TNFAIP2: variants seen among roughly 807,000 people sequenced by gnomAD.
The protein encoded by TNFAIP2 is tumor necrosis factor alpha-induced protein 2.
A neutral mutation model predicts 63.5 loss-of-function variants in TNFAIP2; 47 were observed. The observed-to-expected ratio is 0.74, with a 90% CI of 0.59 to 0.94. The LOEUF is 0.94. Ranked by LOEUF, TNFAIP2 falls within the 40% of genes least tolerant of loss-of-function variation. The probability of loss-of-function intolerance (pLI) is 0.00; values close to 1 mark genes in which losing one functional copy is unlikely to be tolerated. For synonymous variants in TNFAIP2, 405 were observed against 390.2 expected, an observed-to-expected ratio of 1.04 and a Z score of -0.45; for missense variants, 787 against 850.2, an observed-to-expected ratio of 0.93 and a Z score of 0.92.
intron 1 of TNFAIP2, among the ~76,000 whole-genome samples, 179 bp downstream of exon 1, chr14:103,124,130 G>A (rs918353736): frequency 5.3e-5 from 8 of 152,164 alleles, no homozygotes; most frequent in South Asian, 2.1e-4. Context: ...GCACCGGCTC[G>A]CTGCTGCCTG....
rs201062450 is a variant in TNFAIP2, at chr14:103,129,521, G to A, written c.861-219G>A. ...GGACCTAATGGGGGGGGGGTGGTGA[G>A]AGAGTCAGAGGAGGCATGATGACTT... is the stretch of plus-strand genomic sequence containing the variant. On this transcript the variant is annotated intron_variant, in intron 3 of 11. Transcript: ENST00000560869. Among the ~76,000 whole-genome samples the A allele has an allele frequency of 3.8e-4, 58 of 151,972 alleles. No homozygotes were observed. In the East Asian group the frequency reaches 5.7e-3, roughly 15 times the overall value.
rs984649471 is a variant in TNFAIP2 at position 103,136,554 on chromosome 14, T to A, written c.*1194T>A. ...TTTTTTTTTTGAGACAGGGTCTTGC[T>A]GTGTTGCCCAGGCTGGAGTGCAGTG... On this transcript the variant is annotated 3_prime_UTR_variant, in exon 12 of 12. Transcript: ENST00000560869. 2 of 150,400 alleles carry A rather than the reference T, an allele frequency of 1.3e-5. No homozygotes were observed. The highest frequency in any genetic ancestry group is 6.6e-5 in the Admixed American group (1 of 15,076). 9.3% of individuals were successfully genotyped at this position (150,400 alleles called of 1,614,324 possible). A position where few individuals can be genotyped will look rare whatever the true frequency, so the allele number is the denominator to read the frequency against.
rs2088031839 is a variant in TNFAIP2, at chr14:103,133,460, G to A, written c.1644G>A (p.Gln548=). Residue 548 remains glutamine, a synonymous_variant, in exon 10 of 12, where the codon CAG becomes CAA. Coordinates refer to ENST00000560869, the MANE Select transcript of TNFAIP2 (RefSeq NM_006291.4). ...LVLKTAEQQQ[Q]LAGYILANAD... ...TCAAGACGGCCGAGCAGCAGCAGCA[G>A]CTGGCTGGGTACATCCTGGCCAATG... The A allele has an allele frequency of 6.2e-7, 1 of 1,613,848 alleles. No individual in the cohort carries two copies. The highest frequency in any genetic ancestry group is 8.5e-7 in the Non-Finnish European group (1 of 1,180,034).
chr14:103,131,828 G>GC lies in TNFAIP2; in HGVS notation c.1422+71dup. ...GGTTCCCAGGGAGGGACTGGGAGGT[G>GC]CCCCCAGGGAGGAGTGGCAGAAGCA... On this transcript the variant is annotated intron_variant, in intron 8 of 11. Coordinates refer to ENST00000560869, the MANE Select transcript of TNFAIP2 (RefSeq NM_006291.4). The surrounding 1 kb of genome is among the most constrained non-coding windows in gnomAD (Gnocchi z 4.0). The GC allele has an allele frequency of 6.4e-7, 1 of 1,563,810 alleles. No homozygotes were observed. The highest frequency in any genetic ancestry group is 8.7e-7 in the Non-Finnish European group (1 of 1,153,796).
chr14:103,130,997 G>A, intron 6 of TNFAIP2, 55 bp from the exon 7 acceptor site: 1 of 1,579,470 alleles, frequency 6.3e-7, no homozygotes, highest in Non-Finnish European at 8.7e-7. Context: ...GGAGGCTGCT[G>A]CTGTGGTCCC....
chr14:103,130,611 G>C (rs1180234188), intron 6 of TNFAIP2, among the ~76,000 whole-genome samples, 196 bp downstream of exon 6: 3 of 152,156 alleles, frequency 2.0e-5, no homozygotes, highest in Non-Finnish European at 4.4e-5. Flanking sequence ...AGGATTCAAC[G>C]TGGGAGCCTC....
intron 8 of TNFAIP2, among the ~76,000 whole-genome samples, chr14:103,132,346 G>T (rs1323209407): frequency 1.3e-5 from 2 of 152,180 alleles, no homozygotes; most frequent in Non-Finnish European, 1.5e-5. Context: ...CGGTGTCAGG[G>T]ACTAGCGGCC....
In TNFAIP2 at chr14:103,131,289, C is replaced by A. The variant is rs901360564; in HGVS notation, c.1298+139C>A. On this transcript the variant is annotated intron_variant, in intron 7 of 11. Transcript: ENST00000560869. The surrounding 1 kb of genome is among the most constrained non-coding windows in gnomAD (Gnocchi z 4.0). Reference sequence around the variant, plus strand: ...AGCAACATGTGTGAGGACTCCACGGCCTGCAGCAGCAGCAGCAAACATTTC... The same window carrying A: ...AGCAACATGTGTGAGGACTCCACGGACTGCAGCAGCAGCAGCAAACATTTC... The A allele has an allele frequency of 3.4e-6, 3 of 893,438 alleles. No homozygotes were observed. The highest frequency in any genetic ancestry group is 5.2e-6 in the Non-Finnish European group (3 of 574,032). 55.3% of individuals were successfully genotyped at this position (893,438 alleles called of 1,614,324 possible).
At chr14:103,126,125 G>C (rs543459496) in intron 1 of TNFAIP2, among the ~76,000 whole-genome samples, 185 bp from the exon 2 acceptor site, 23 of 152,346 alleles carry the variant, frequency 1.5e-4, no homozygotes, top group African/African-American at 5.3e-4. Context: ...ATGGTGAGAT[G>C]CTCGTGGCCA....
rs766358522 is a variant in TNFAIP2 at position 103,126,995 on chromosome 14, C to T, written c.236-10C>T. On this transcript the variant is annotated splice_polypyrimidine_tract_variant and intron_variant, in intron 2 of 11. Coordinates refer to ENST00000560869, the MANE Select transcript of TNFAIP2 (RefSeq NM_006291.4). The stretch of plus-strand genomic sequence containing the variant: ...CTGGGGCCGGGGCTGACGCGGCTTT[C>T]CCGGCGCAGTGGAGGAGCTGAAGGC... The T allele has an allele frequency of 2.8e-4, 337 of 1,216,682 alleles. No homozygotes were observed. In the Middle Eastern group the frequency reaches 5.7e-3, roughly 21 times the overall value. 75.4% of individuals were successfully genotyped at this position (1,216,682 alleles called of 1,614,324 possible). A position where few individuals can be genotyped will look rare whatever the true frequency, so the allele number is the denominator to read the frequency against.
In TNFAIP2 at chr14:103,127,636, A is replaced by G. The variant is rs1350040813; in HGVS notation, c.860+7A>G. ...TGCAGAACCTCTACCCCAAGTGAGCAGACCAGGGGCTGGGCCCGGGCCGGC... is the reference window on the plus strand; with the variant it reads ...TGCAGAACCTCTACCCCAAGTGAGCGGACCAGGGGCTGGGCCCGGGCCGGC... On this transcript the variant is annotated splice_region_variant and intron_variant, in intron 3 of 11. Coordinates refer to ENST00000560869, the MANE Select transcript of TNFAIP2 (RefSeq NM_006291.4). The surrounding 1 kb of genome is among the most constrained non-coding windows in gnomAD (Gnocchi z 5.1). 6.8e-7 allele frequency: 1 copy of G among 1,475,854 alleles called. No individual in the cohort carries two copies. Among genetic ancestry groups the G allele is most frequent in the South Asian group, 1.3e-5 (1 of 76,148 alleles). 91.4% of individuals were successfully genotyped at this position (1,475,854 alleles called of 1,614,324 possible). A position where few individuals can be genotyped will look rare whatever the true frequency, so the allele number is the denominator to read the frequency against.
Position 103,136,964 on chromosome 14 carries a change from G to A in TNFAIP2, c.*1604G>A, listed in dbSNP as rs1443466100. The A allele has an allele frequency of 6.6e-6, 1 of 152,224 alleles. No individual in the cohort carries two copies. The highest frequency in any genetic ancestry group is 1.5e-5 in the Non-Finnish European group (1 of 68,052). 9.4% of individuals were successfully genotyped at this position (152,224 alleles called of 1,614,324 possible). A position where few individuals can be genotyped will look rare whatever the true frequency, so the allele number is the denominator to read the frequency against. The stretch of plus-strand genomic sequence containing the variant: ...ACCTAACATAGTCACAGGCTCTGGG[G>A]ACTGTCACGTGGACATCTTTGGGAG... On this transcript the variant is annotated 3_prime_UTR_variant, in exon 12 of 12. Transcript: ENST00000560869.
chr14:103,130,192 C>T (rs755949496), intron 5 of TNFAIP2, 68 bp downstream of exon 5: 18 of 1,574,298 alleles, frequency 1.1e-5, no homozygotes, highest in Admixed American at 5.2e-5. Context: ...ACGCACATTC[C>T]GTCCTGTGTG....
chr14:103,136,135 G>C lies in TNFAIP2; in HGVS notation c.*775G>C, dbSNP rs2088091039. Reference sequence around the variant, plus strand: ...CTTCCCCAAGGCAGGGACAGGCCCTGGGGGTGCCACCGTGGGCCCTGCCAC... The same window carrying C: ...CTTCCCCAAGGCAGGGACAGGCCCTCGGGGTGCCACCGTGGGCCCTGCCAC... On this transcript the variant is annotated 3_prime_UTR_variant, in exon 12 of 12. Transcript: ENST00000560869. 2.3e-6 allele frequency: 2 copies of C among 883,238 alleles called. No homozygotes were observed. 54.7% of individuals were successfully genotyped at this position (883,238 alleles called of 1,614,324 possible).
chr14:103,134,978 C>T (rs1289750697), intron 11 of TNFAIP2, among the ~76,000 whole-genome samples: 1 of 152,166 alleles, frequency 6.6e-6, no homozygotes, highest in Admixed American at 6.5e-5. Context: ...AAGAGGCGGT[C>T]ATCTCAGGGC....
At position 103,127,141 on chromosome 14, in the gene TNFAIP2, G is replaced by T; in HGVS notation, c.372G>T (p.Lys124Asn). ...SEEELVRRQS[K>N]VEALYELLRD... is the part of the protein sequence containing the mutation. The stretch of plus-strand genomic sequence containing the variant: ...AGGAGCTGGTGCGGCGCCAGAGCAA[G>T]GTGGAGGCGCTGTACGAGCTGCTGC... Residue 124 changes from lysine (K) to asparagine (N), a missense_variant, in exon 3 of 12, where the codon AAG becomes AAT. Around this residue, in one of 3 missense-constraint regions of TNFAIP2, gnomAD observed 258 missense variants for 228.9 expected, o/e 1.13. Transcript: ENST00000560869. The surrounding 1 kb of genome is among the most constrained non-coding windows in gnomAD (Gnocchi z 5.1). 1 of 1,104,140 alleles carries T rather than the reference G, an allele frequency of 9.1e-7. No homozygotes were observed. The highest frequency in any genetic ancestry group is 5.6e-5 in the East Asian group (1 of 17,856). The allele number at this position is 1,104,140 out of a possible 1,614,324, so 68.4% of individuals were successfully genotyped here. A position where few individuals can be genotyped will look rare whatever the true frequency, so the allele number is the denominator to read the frequency against.
intron 8 of TNFAIP2, among the ~76,000 whole-genome samples, chr14:103,132,491 C>T (rs762700591): frequency 4.6e-5 from 7 of 152,194 alleles, no homozygotes; most frequent in South Asian, 2.1e-4. Flanking sequence ...ACTTGGCCTC[C>T]GGGCCGGCAG....
In TNFAIP2 at chr14:103,135,865, G is replaced by A; in HGVS notation, c.*505G>A. The A allele has an allele frequency of 7.7e-7, 1 of 1,290,564 alleles. No homozygotes were observed. The highest frequency in any genetic ancestry group is 1.2e-5 in the South Asian group (1 of 81,046). 79.9% of individuals were successfully genotyped at this position (1,290,564 alleles called of 1,614,324 possible). ...GGTGGAATGGAAGACAGAACTGGAA[G>A]AGAAAGAAGGAAAAGATGAGCTCTC... On this transcript the variant is annotated 3_prime_UTR_variant, in exon 12 of 12. Coordinates refer to ENST00000560869, the MANE Select transcript of TNFAIP2 (RefSeq NM_006291.4). This position sits in a 1 kb window ranked among gnomAD's most constrained non-coding sequence, Gnocchi z 7.6.
chr14:103,127,602 T>C lies in TNFAIP2; in HGVS notation c.833T>C (p.Leu278Pro). The part of the protein sequence containing the change: ...ELCERDTYML[L>P]LWVQNLYPND... ...TGCGAGCGCGACACCTACATGCTGC[T>C]GCTCTGGGTGCAGAACCTCTACCCC... Residue 278 changes from leucine to proline, a missense_variant, in exon 3 of 12, where the codon CTG becomes CCG. Leu to Pro is a moderately conservative substitution (Grantham distance 98, BLOSUM62 -3). Transcript: ENST00000560869. The surrounding 1 kb of genome is among the most constrained non-coding windows in gnomAD (Gnocchi z 5.1). 1 of 1,535,790 alleles carries C rather than the reference T, an allele frequency of 6.5e-7. No individual in the cohort carries two copies. Among genetic ancestry groups the C allele is most frequent in the Non-Finnish European group, 8.8e-7 (1 of 1,142,572 alleles).
Sources: allele counts gnomAD v4.1 joint callset (sites outside exome capture counted in the v4.1 genomes callset), GRCh38; gene constraint gnomAD v4.1.1; regional missense constraint gnomAD v4.1.1; non-coding constraint Gnocchi (gnomAD v3.1); transcripts MANE v1.5; gene names NCBI Gene and HGNC (gene_info 2026-07-23, HGNC 2026-07-21).